C16orf46: variants seen among roughly 807,000 people sequenced by gnomAD.
C16orf46 encodes the protein uncharacterized protein C16orf46.
Under a neutral mutation model 5.5 loss-of-function variants are expected in C16orf46, and 7 were observed. The observed-to-expected ratio is 1.28, with a 90% CI of 0.73 to 2.40. The LOEUF (loss-of-function observed/expected upper bound fraction) is 2.40, where lower values mean the gene tolerates loss of function less well. C16orf46 is among the 30% of genes most tolerant of loss of function. The pLI, the probability that C16orf46 is intolerant of heterozygous loss-of-function variation, is 0.00. For synonymous variants in C16orf46, 200 were observed against 184.1 expected (o/e 1.09, Z -0.70); for missense variants, 614 against 476.0 (o/e 1.29, Z -2.70).
downstream of C16orf46, chr16:81,060,849 G>T: frequency 2.1e-6 from 1 of 468,252 alleles, no homozygotes; most frequent in Non-Finnish European, 3.1e-6. Context: ...CGTGGCTTCT[G>T]CTGGGAGTGG....
intron 3 of C16orf46, among the ~76,000 whole-genome samples, chr16:81,054,922 A>T (rs1971252898): frequency 6.6e-6 from 1 of 152,230 alleles, no homozygotes. Flanking sequence ...TGCTGGGATT[A>T]CAGGTGTGAG....
At position 81,062,055 on chromosome 16, in the gene C16orf46, G is replaced by C; in HGVS notation, c.294C>G (p.Ala98=). ...IPKKARVGEG[A]CSDCLVCVNL... ...TAACACACACCAAGCAGTCGCTGCAGGCACCTTCCCCTACCCTCGCCTTTT... is the reference window on the plus strand; with the variant it reads ...TAACACACACCAAGCAGTCGCTGCACGCACCTTCCCCTACCCTCGCCTTTT... The change falls in exon 4 of 4, where the codon GCC becomes GCG. Residue 98 remains alanine, a synonymous_variant. Coordinates refer to ENST00000299578, the MANE Select transcript of C16orf46 (RefSeq NM_152337.3). 1 of 1,613,020 alleles carries C rather than the reference G, an allele frequency of 6.2e-7. No individual in the cohort carries two copies. The highest frequency in any genetic ancestry group is 8.5e-7 in the Non-Finnish European group (1 of 1,179,982).
chr16:81,054,277 AC>A (rs201536743), intron 3 of C16orf46, among the ~76,000 whole-genome samples: 38,021 of 81,832 alleles, frequency 0.46, 5,174 homozygotes, highest in East Asian at 0.59. Flanking sequence ...AACAACAACA[AC>A]AACAAAAAAA....
exon 4 of C16orf46, chr16:81,053,971 T>A (rs376769418): frequency 1.6e-5 from 21 of 1,280,264 alleles, no homozygotes; most frequent in East Asian, 1.2e-4. Context: ...TGCTTTCTGG[T>A]GATCCGCCGC....
At chr16:81,063,684 G>C in intron 3 of C16orf46, 62 bp downstream of exon 3, 1 of 1,411,342 alleles carries the variant, frequency 7.1e-7, no homozygotes, top group Non-Finnish European at 9.8e-7. Context: ...GGGAAAAAGA[G>C]GCTTGCACCA....
exon 4 of C16orf46, chr16:81,053,926 C>G: frequency 2.4e-6 from 2 of 818,604 alleles, no homozygotes; most frequent in South Asian, 1.6e-5. Context: ...AACGTGGCGT[C>G]TTCTTACTGC....
rs1971568929 is a variant in C16orf46, at chr16:81,063,904, C to G, written c.52G>C (p.Glu18Gln). 2.5e-6 allele frequency: 4 copies of G among 1,613,626 alleles called. No individual in the cohort carries two copies. Among genetic ancestry groups the G allele is most frequent in the Non-Finnish European group, 3.4e-6 (4 of 1,179,776 alleles). Residue 18 changes from glutamate (E) to glutamine (Q), a missense_variant, in exon 3 of 4, where the codon GAA (glutamate) becomes CAA (glutamine). By Grantham distance (29) the Glu-to-Gln change is conservative. Transcript: ENST00000299578. Reference protein sequence around the residue: ...ETDLENAENNEIQFTEETEPT... With the variant: ...ETDLENAENNQIQFTEETEPT... The stretch of plus-strand genomic sequence containing the variant: ...TCTGTTTCTTCTGTGAACTGAATTT[C>G]ATTATTTTCAGCATTTTCTAAGTCA...
intron 3 of C16orf46, among the ~76,000 whole-genome samples, chr16:81,062,792 G>A (rs1971531822): frequency 6.6e-6 from 1 of 151,082 alleles, no homozygotes. Flanking sequence ...CCACATTTTG[G>A]ACATACTTAT....
chr16:81,067,930 T>C (rs1173868320), intron 1 of C16orf46, among the ~76,000 whole-genome samples: 3 of 152,176 alleles, frequency 2.0e-5, no homozygotes, highest in African/African-American at 4.8e-5. Context: ...AAAAAAGATA[T>C]AACATCAGAT....
At chr16:81,062,459 T>C (rs1235329974) in intron 3 of C16orf46, among the ~76,000 whole-genome samples, 2 of 152,240 alleles carry the variant, frequency 1.3e-5, no homozygotes, top group Non-Finnish European at 2.9e-5. Context: ...AGCAACAGTA[T>C]TTGTAAATGG....
At chr16:81,068,190 C>A (rs567101804) in intron 1 of C16orf46, among the ~76,000 whole-genome samples, 1 of 152,170 alleles carries the variant, frequency 6.6e-6, no homozygotes, top group South Asian at 2.1e-4. Context: ...GTTAATGTAG[C>A]TTTAACACCC....
chr16:81,063,025 C>G (rs1391815796), intron 3 of C16orf46, among the ~76,000 whole-genome samples: 1 of 151,668 alleles, frequency 6.6e-6, no homozygotes. Context: ...GTGGGCAGAT[C>G]ACCTAAGGTC....
downstream of C16orf46, chr16:81,058,030 C>CAAACAAAACA (rs57856942): frequency 7.8e-3 from 1,355 of 173,642 alleles, 35 homozygotes; most frequent in African/African-American, 0.032. Flanking sequence ...AACTCCATCT[C>CAAACAAAACA]AAACAAAACA....
intron 1 of C16orf46, among the ~76,000 whole-genome samples, chr16:81,071,772 T>C (rs1029122253): frequency 3.3e-5 from 5 of 151,846 alleles, no homozygotes; most frequent in Non-Finnish European, 5.9e-5. Flanking sequence ...ATATACCGAG[T>C]CTCTAAGAGA....
chr16:81,058,691 T>C (rs1232931149), downstream of C16orf46, among the ~76,000 whole-genome samples: 2 of 152,236 alleles, frequency 1.3e-5, no homozygotes, highest in Non-Finnish European at 2.9e-5. Context: ...CTTGTTATAT[T>C]TGATCCACTC....
rs1479878828 is a variant in C16orf46, at chr16:81,064,739, T to C, written c.-38-746A>G. Among the ~76,000 whole-genome samples, 4 of 100,070 alleles carry C rather than the reference T, an allele frequency of 4.0e-5. No homozygotes were observed. The East Asian group carries it at 1.2e-3, about 29-fold the overall frequency. The allele number at this position is 100,070 out of a possible 152,430, so 65.6% of individuals were successfully genotyped here. On this transcript the variant is annotated intron_variant, in intron 2 of 3. Coordinates refer to ENST00000299578, the MANE Select transcript of C16orf46 (RefSeq NM_152337.3). The stretch of plus-strand genomic sequence containing the variant: ...TCCAGCCTGGGCAACAGAGCAAGAC[T>C]CTGTCTCAAAAAAAAAAAAAAAAAG...
chr16:81,057,551 A>C (rs1374718653), downstream of C16orf46, among the ~76,000 whole-genome samples: 2 of 152,020 alleles, frequency 1.3e-5, no homozygotes, highest in African/African-American at 4.8e-5. Flanking sequence ...AAAAAAAAAA[A>C]AAAAAGTATG....
intron 1 of C16orf46, among the ~76,000 whole-genome samples, chr16:81,074,885 TG>T (rs1273916056): frequency 5.3e-5 from 8 of 152,232 alleles, no homozygotes; most frequent in Non-Finnish European, 8.8e-5. Context: ...TTTCCCCTTT[TG>T]TTTTTGGACC....
At chr16:81,070,796 T>C (rs563422948) in intron 1 of C16orf46, among the ~76,000 whole-genome samples, 1 of 152,254 alleles carries the variant, frequency 6.6e-6, no homozygotes, top group East Asian at 1.9e-4. Context: ...CAAGCCATTC[T>C]CCTACCTCAG....
Sources: allele counts gnomAD v4.1 joint callset (sites outside exome capture counted in the v4.1 genomes callset), GRCh38; gene constraint gnomAD v4.1.1; transcripts MANE v1.5; gene names NCBI Gene and HGNC (gene_info 2026-07-23, HGNC 2026-07-21).